Variants in FHIT observed in about 807,000 individuals in gnomAD.
FHIT encodes bis(5'-adenosyl)-triphosphatase.
FHIT carries 19 observed loss-of-function variants against 17.9 expected under a neutral mutation model. That is an observed-to-expected ratio of 1.06 (90% CI 0.74 to 1.56). The LOEUF (loss-of-function observed/expected upper bound fraction) is 1.56. FHIT is among the 40% of genes most tolerant of loss of function. FHIT has a pLI of 0.00. For missense variants in FHIT, 248 were observed against 189.2 expected (o/e 1.31, Z -1.82); for synonymous variants, 81 against 69.7 (o/e 1.16, Z -0.81).
intron 5 of FHIT, chr3:60,080,818 T>C (rs1182020859): frequency 6.6e-6 from 1 of 152,128 alleles, no homozygotes; most frequent in Non-Finnish European, 1.5e-5. Flanking sequence ...TGATGACAAA[T>C]CTCAAAACTG....
intron 5 of FHIT, among the ~76,000 whole-genome samples, chr3:60,277,740 A>G (rs1707225390): frequency 6.6e-6 from 1 of 150,660 alleles, no homozygotes; most frequent in Non-Finnish European, 1.5e-5. Flanking sequence ...CTCTCTCAAG[A>G]GAGAAAGCTG....
At chr3:60,081,216 C>T (rs1409598921) in intron 5 of FHIT, among the ~76,000 whole-genome samples, 1 of 152,020 alleles carries the variant, frequency 6.6e-6, no homozygotes, top group African/African-American at 2.4e-5. Context: ...GTCTGGTGAG[C>T]CTGAATGTCT....
intron 1 of FHIT, among the ~76,000 whole-genome samples, chr3:61,214,359 T>A (rs1364766985): frequency 6.6e-6 from 1 of 152,124 alleles, no homozygotes; most frequent in Non-Finnish European, 1.5e-5. Flanking sequence ...CAAACTACCA[T>A]CAGAGAATAC....
intron 8 of FHIT, among the ~76,000 whole-genome samples, chr3:59,880,725 G>A (rs1455590704): frequency 6.6e-6 from 1 of 152,168 alleles, no homozygotes; most frequent in African/African-American, 2.4e-5. Context: ...CCATCAATCA[G>A]CTGCTGTTTT....
intron 5 of FHIT, among the ~76,000 whole-genome samples, chr3:60,330,282 T>A (rs1462927339): frequency 6.6e-6 from 1 of 152,164 alleles, no homozygotes; most frequent in Non-Finnish European, 1.5e-5. Context: ...CATAAACCCT[T>A]CATGGATCTC....
intron 7 of FHIT, among the ~76,000 whole-genome samples, chr3:59,981,878 A>C (rs1196498713): frequency 1.3e-5 from 2 of 152,140 alleles, no homozygotes; most frequent in Non-Finnish European, 2.9e-5. Flanking sequence ...ATTGTATTTT[A>C]TGATAGAGAA....
chr3:61,189,979 C>T (rs1182804256), intron 2 of FHIT, among the ~76,000 whole-genome samples: 2 of 152,126 alleles, frequency 1.3e-5, no homozygotes, highest in African/African-American at 4.8e-5. Flanking sequence ...ACCATAAAAA[C>T]CCTAGAAGAA....
chr3:59,829,803 A>T (rs1701103826), intron 8 of FHIT, among the ~76,000 whole-genome samples: 1 of 152,204 alleles, frequency 6.6e-6, no homozygotes, highest in Admixed American at 6.5e-5. Context: ...TCAGAATTAT[A>T]CAATACAGAA....
chr3:60,592,901 G>T (rs2038134180), intron 4 of FHIT, among the ~76,000 whole-genome samples: 1 of 152,106 alleles, frequency 6.6e-6, no homozygotes, highest in South Asian at 2.1e-4. Context: ...GATTTACAGT[G>T]GGTTCCTGTG....
At chr3:60,571,994 C>G (rs937498153) in intron 4 of FHIT, among the ~76,000 whole-genome samples, 12 of 152,112 alleles carry the variant, frequency 7.9e-5, no homozygotes, top group African/African-American at 2.7e-4. Flanking sequence ...CGGCTTGGAT[C>G]AAGGTAGTGT....
intron 5 of FHIT, among the ~76,000 whole-genome samples, chr3:60,337,633 G>C (rs1559832055): frequency 6.6e-6 from 1 of 152,158 alleles, no homozygotes; most frequent in Non-Finnish European, 1.5e-5. Flanking sequence ...TTTCATGGTG[G>C]ACAAGTTAGC....
At chr3:59,936,691 GA>G (rs1043146176) in intron 7 of FHIT, among the ~76,000 whole-genome samples, 12 of 152,028 alleles carry the variant, frequency 7.9e-5, no homozygotes, top group Admixed American at 2.6e-4. Context: ...GTCCAAAGGG[GA>G]AAAAATGTTA....
At chr3:60,347,688 G>GT (rs1710859316) in intron 5 of FHIT, among the ~76,000 whole-genome samples, 2 of 120,836 alleles carry the variant, frequency 1.7e-5, no homozygotes, top group African/African-American at 3.0e-5. Context: ...GGGGGGGGGG[G>GT]GTTTGTTTTT....
chr3:60,350,969 C>T (rs887420748), intron 5 of FHIT, among the ~76,000 whole-genome samples: 19 of 152,228 alleles, frequency 1.2e-4, no homozygotes, highest in African/African-American at 3.1e-4. Flanking sequence ...CACAAAGAAA[C>T]GAAGTCTGTC....
chr3:59,896,414 G>A (rs1401854867), intron 8 of FHIT, among the ~76,000 whole-genome samples: 1 of 152,118 alleles, frequency 6.6e-6, no homozygotes, highest in African/African-American at 2.4e-5. Flanking sequence ...ACTCCAAATA[G>A]CATCCTTTAT....
At chr3:60,185,202 T>A (rs1053239711) in intron 5 of FHIT, among the ~76,000 whole-genome samples, 2 of 152,116 alleles carry the variant, frequency 1.3e-5, no homozygotes, top group Admixed American at 6.6e-5. Flanking sequence ...AAATGCAGAA[T>A]GTCAGGTATC....
chr3:59,905,451 C>T (rs1704543194), intron 8 of FHIT, among the ~76,000 whole-genome samples: 1 of 152,184 alleles, frequency 6.6e-6, no homozygotes. Flanking sequence ...GTTTGAGCAA[C>T]TCATCCCTTG....
intron 7 of FHIT, among the ~76,000 whole-genome samples, chr3:59,947,548 G>A (rs914628862): frequency 6.6e-6 from 1 of 152,140 alleles, no homozygotes; most frequent in East Asian, 1.9e-4. Flanking sequence ...CTGAGGGTTT[G>A]ATTATGGTAT....
intron 4 of FHIT, among the ~76,000 whole-genome samples, chr3:60,802,465 G>A (rs1701225923): frequency 6.6e-6 from 1 of 152,096 alleles, no homozygotes; most frequent in African/African-American, 2.4e-5. Flanking sequence ...CGTTGCCCTG[G>A]CAAGACCCAA....
Sources: gnomAD v4.1 joint callset for allele counts (sites outside exome capture counted in the v4.1 genomes callset) on GRCh38, gnomAD v4.1.1 for gene constraint, MANE v1.5 for transcripts, NCBI Gene and HGNC (gene_info 2026-07-23, HGNC 2026-07-21) for gene names.